Variants in IGHMBP2 observed in about 807,000 individuals in gnomAD.
IGHMBP2 encodes DNA-binding protein SMUBP-2.
In IGHMBP2, 81 loss-of-function variants were observed where a neutral mutation model predicts 96.0. The observed-to-expected ratio is 0.84, with a 90% CI of 0.71 to 1.01. IGHMBP2 has a LOEUF of 1.01. Among genes scored for constraint, IGHMBP2 ranks in the 50% least tolerant of loss-of-function variants. The probability of loss-of-function intolerance (pLI) is 0.00; values close to 1 mark genes in which losing one functional copy is unlikely to be tolerated. For synonymous variants in IGHMBP2, 557 were observed against 548.9 expected (o/e 1.01, Z -0.21); for missense variants, 1,227 against 1,306.3 (o/e 0.94, Z 0.94).
chr11:68,927,912 A>G (rs1016574089), intron 7 of IGHMBP2, among the ~76,000 whole-genome samples: 4 of 152,182 alleles, frequency 2.6e-5, no homozygotes, highest in Non-Finnish European at 5.9e-5. Flanking sequence ...CAAGGCTGCC[A>G]TAGGGATGGC....
intron 2 of IGHMBP2, 162 bp downstream of exon 2, chr11:68,906,400 C>T (rs1401131621): frequency 1.2e-6 from 1 of 806,874 alleles, no homozygotes; most frequent in Non-Finnish European, 2.0e-6. Flanking sequence ...TTTTAGTTGT[C>T]TAGATCAGCG....
intron 2 of IGHMBP2, among the ~76,000 whole-genome samples, chr11:68,907,013 A>G (rs1379837213): frequency 6.6e-6 from 1 of 151,236 alleles, no homozygotes; most frequent in African/African-American, 2.4e-5. Flanking sequence ...TAATCCTAGC[A>G]CTTTGGGAGG....
In IGHMBP2 at chr11:68,938,189, G is replaced by A. The variant is rs373001247; in HGVS notation, c.2619G>A (p.Pro873=). The change falls in exon 14 of 15, where the codon CCG becomes CCA. Residue 873 remains proline, a synonymous_variant. Coordinates refer to ENST00000255078, the MANE Select transcript of IGHMBP2 (RefSeq NM_002180.3). Reference sequence around the variant, plus strand: ...GACGCGGGTCTTCTCCAGGACATCCGGCCACAGATCTGCCCACGGAGGAGG... The same window carrying A: ...GACGCGGGTCTTCTCCAGGACATCCAGCCACAGATCTGCCCACGGAGGAGG... ...EKKKKKAKGH[P]ATDLPTEEDF... 25 of 1,613,894 alleles carry A rather than the reference G, an allele frequency of 1.5e-5. No individual in the cohort carries two copies. Among genetic ancestry groups the A allele is most frequent in the African/African-American group, 4.0e-5 (3 of 74,904 alleles).
intron 5 of IGHMBP2, 39 bp downstream of exon 5, chr11:68,911,642 G>A (rs759604727): frequency 1.1e-5 from 17 of 1,603,266 alleles, no homozygotes; most frequent in East Asian, 2.2e-5. Context: ...GAGCCCGTCC[G>A]CTCCTGGTCT....
intron 8 of IGHMBP2, chr11:68,932,477 G>T (rs189307897): frequency 6.6e-6 from 1 of 152,272 alleles, no homozygotes; most frequent in African/African-American, 2.4e-5. Context: ...GCAGCTGTGG[G>T]CTGGCAGCCT....
chr11:68,935,400 C>A lies in IGHMBP2; in HGVS notation c.1734C>A (p.Ser578=). ...QGREKEAVIL[S]FVRSNRKGEV... ...GAGAGAAGGAGGCCGTGATACTGTC[C>A]TTCGTCAGATCCAACAGGAAAGGTA... is the stretch of plus-strand genomic sequence containing the variant. The change falls in exon 12 of 15, where the codon TCC becomes TCA. Residue 578 remains serine (S), a synonymous_variant. Transcript: ENST00000255078. 5.0e-6 allele frequency: 8 copies of A among 1,614,122 alleles called. No individual in the cohort carries two copies. The highest frequency in any genetic ancestry group is 6.8e-6 in the Non-Finnish European group (8 of 1,180,048).
chr11:68,911,361 G>T, intron 4 of IGHMBP2, 79 bp from the exon 5 acceptor site: 1 of 1,460,906 alleles, frequency 6.8e-7, no homozygotes. Flanking sequence ...CTCATCCCCC[G>T]GGGCACACAC....
chr11:68,932,998 A>G (rs1227450929), intron 8 of IGHMBP2: 2 of 491,604 alleles, frequency 4.1e-6, no homozygotes, highest in Admixed American at 3.3e-5. Flanking sequence ...GCCCCCTTAT[A>G]AGACCCTTGG....
intron 12 of IGHMBP2, 68 bp from the exon 13 acceptor site, chr11:68,936,169 G>C: frequency 6.4e-7 from 1 of 1,573,150 alleles, no homozygotes; most frequent in Non-Finnish European, 8.7e-7. Flanking sequence ...TTACTGATAA[G>C]GGCGTAGGAG....
chr11:68,927,646 C>T (rs1371559235), intron 7 of IGHMBP2, among the ~76,000 whole-genome samples: 1 of 152,226 alleles, frequency 6.6e-6, no homozygotes, highest in Non-Finnish European at 1.5e-5. Context: ...TTGCTCCGAC[C>T]ATTATTCTCT....
chr11:68,938,065 A>G (rs1330991865), intron 13 of IGHMBP2, 117 bp from the exon 14 acceptor site: 1 of 1,186,152 alleles, frequency 8.4e-7, no homozygotes, highest in Non-Finnish European at 1.3e-6. Flanking sequence ...CAGCCTCCCA[A>G]AATGCTGGGA....
chr11:68,908,153 G>A lies in IGHMBP2; in HGVS notation c.265G>A (p.Val89Met), dbSNP rs1384314579. The change falls in exon 3 of 15, where the codon GTG (valine) becomes ATG (methionine). Residue 89 changes from valine to methionine, a missense_variant. This residue lies in a region of IGHMBP2 where 507 missense variants were observed against 496.9 expected (regional missense o/e 1.02). Coordinates refer to ENST00000255078, the MANE Select transcript of IGHMBP2 (RefSeq NM_002180.3). Reference sequence around the variant, plus strand: ...AGTCTTTGTTTTTGCAGGTGATATCGTGGGCCTGTACGATGCTGCTAATGA... The same window carrying A: ...AGTCTTTGTTTTTGCAGGTGATATCATGGGCCTGTACGATGCTGCTAATGA... ...PSNSFTSGDI[V>M]GLYDAANEGS... The A allele has an allele frequency of 2.7e-5, 43 of 1,613,580 alleles. No homozygotes were observed. Among genetic ancestry groups the A allele is most frequent in the African/African-American group, 1.5e-4 (11 of 74,810 alleles).
intron 14 of IGHMBP2, among the ~76,000 whole-genome samples, chr11:68,938,861 C>T (rs535516628): frequency 6.6e-6 from 1 of 152,268 alleles, no homozygotes; most frequent in South Asian, 2.1e-4. Context: ...GACCAGCATA[C>T]AGTACCAGGT....
At chr11:68,911,329 G>A (rs576642771) in intron 4 of IGHMBP2, 111 bp from the exon 5 acceptor site, 126 of 1,074,258 alleles carry the variant, frequency 1.2e-4, no homozygotes, top group Middle Eastern at 1.2e-3. Flanking sequence ...GGGGAGGTCC[G>A]GCGTGTTCCT....
chr11:68,929,676 G>A (rs1859199897), intron 8 of IGHMBP2: 1 of 935,508 alleles, frequency 1.1e-6, no homozygotes, highest in South Asian at 4.9e-5. Context: ...TGATGGTAGA[G>A]TGCCGTGAGA....
At chr11:68,924,349 C>T (rs1858986326) in intron 7 of IGHMBP2, among the ~76,000 whole-genome samples, 2 of 152,214 alleles carry the variant, frequency 1.3e-5, no homozygotes, top group South Asian at 4.1e-4. Flanking sequence ...TGGTTTGTTC[C>T]TGTGTGATAA....
At position 68,940,292 on chromosome 11, in the gene IGHMBP2, G is replaced by A. The variant is rs1338375119; in HGVS notation, c.*561G>A. On this transcript the variant is annotated 3_prime_UTR_variant, in exon 15 of 15. Coordinates refer to ENST00000255078, the MANE Select transcript of IGHMBP2 (RefSeq NM_002180.3). Reference sequence around the variant, plus strand: ...CTCACCACGGGGCTCCTGTGAGTCTGGGGGGCACCTCTTTCTGGCCTGTGC... The same window carrying A: ...CTCACCACGGGGCTCCTGTGAGTCTAGGGGGCACCTCTTTCTGGCCTGTGC... The A allele has an allele frequency of 6.4e-6, 1 of 156,922 alleles. No homozygotes were observed. The highest frequency in any genetic ancestry group is 1.4e-5 in the Non-Finnish European group (1 of 70,936). 9.7% of individuals were successfully genotyped at this position (156,922 alleles called of 1,614,324 possible).
At chr11:68,931,270 G>T (rs1594448521) in intron 8 of IGHMBP2, among the ~76,000 whole-genome samples, 1 of 152,150 alleles carries the variant, frequency 6.6e-6, no homozygotes, top group East Asian at 1.9e-4. Flanking sequence ...CCTTCCTGGG[G>T]CGCCTGAGGG....
intron 7 of IGHMBP2, among the ~76,000 whole-genome samples, chr11:68,921,230 T>A (rs1039918590): frequency 6.6e-6 from 1 of 151,546 alleles, no homozygotes; most frequent in African/African-American, 2.4e-5. Flanking sequence ...TGATTGAAGA[T>A]TTCTTAGGAA....
Sources: gnomAD v4.1 joint callset for allele counts (sites outside exome capture counted in the v4.1 genomes callset) on GRCh38, gnomAD v4.1.1 for gene constraint, gnomAD v4.1.1 regional missense constraint, MANE v1.5 for transcripts, NCBI Gene and HGNC (gene_info 2026-07-23, HGNC 2026-07-21) for gene names.